Variants in ZFHX3 observed in about 807,000 individuals in gnomAD.
ZFHX3 encodes the protein zinc finger homeobox 3.
ZFHX3 carries 42 observed loss-of-function variants against 279.1 expected under a neutral mutation model. That is an observed-to-expected ratio of 0.15 (90% confidence interval 0.12 to 0.19). The LOEUF is 0.19. ZFHX3 is among the 10% of genes least tolerant of loss of function. ZFHX3 has a pLI of 1.00. For synonymous variants in ZFHX3, 2,293 were observed against 1,957.8 expected (o/e 1.17, Z -4.52); for missense variants, 4,981 against 4,754.0 (o/e 1.05, Z -1.40).
At position 73,454,868 on chromosome 16, in the gene ZFHX3, T is replaced by G. The variant is rs1469694434; in HGVS notation, c.-1291+1135A>C. On this transcript the variant is annotated intron_variant, in intron 3 of 17. Transcript: ENST00000641206. ...ACTTTTCCATCATTTATGATAACAG[T>G]GTTGGGAAAGCTAGGATATTCAAGT... Among the ~76,000 whole-genome samples the G allele has an allele frequency of 2.0e-5, 3 of 151,686 alleles. No homozygotes were observed. In the East Asian group the frequency reaches 5.8e-4, roughly 29 times the overall value.
At chr16:73,219,253 C>T (rs2012323101) in intron 5 of ZFHX3, among the ~76,000 whole-genome samples, 1 of 152,158 alleles carries the variant, frequency 6.6e-6, no homozygotes, top group African/African-American at 2.4e-5. Flanking sequence ...AACCAAAATT[C>T]ACAGAAACAG....
chr16:73,539,650 G>A (rs2019976712), intron 2 of ZFHX3, among the ~76,000 whole-genome samples: 1 of 151,960 alleles, frequency 6.6e-6, no homozygotes, highest in Non-Finnish European at 1.5e-5. Flanking sequence ...AAGAAGAAGG[G>A]CGCACAAGCA....
At chr16:73,188,001 A>G (rs1454517144) in intron 5 of ZFHX3, among the ~76,000 whole-genome samples, 1 of 152,012 alleles carries the variant, frequency 6.6e-6, no homozygotes, top group Admixed American at 6.6e-5. Flanking sequence ...AGCTGGGACT[A>G]CAGGCGCCTG....
At chr16:73,393,669 A>C (rs1056329389) in intron 3 of ZFHX3, among the ~76,000 whole-genome samples, 3 of 152,180 alleles carry the variant, frequency 2.0e-5, no homozygotes, top group African/African-American at 7.2e-5. Context: ...ATAAACTATG[A>C]AAGTTGGGAC....
At chr16:72,975,153 C>T (rs2144521841) in intron 1 of ZFHX3, among the ~76,000 whole-genome samples, 1 of 152,212 alleles carries the variant, frequency 6.6e-6, no homozygotes, top group African/African-American at 2.4e-5. Flanking sequence ...GCTTAAAACC[C>T]TATCAGGGCC....
intron 8 of ZFHX3, among the ~76,000 whole-genome samples, chr16:73,065,259 C>G (rs62055085): frequency 0.026 from 4,002 of 152,330 alleles, 49 homozygotes; most frequent in East Asian, 0.04. Flanking sequence ...CACGCAGACA[C>G]GCAGGCGTGC....
At chr16:73,587,543 C>T (rs2051940336) in intron 2 of ZFHX3, among the ~76,000 whole-genome samples, 1 of 152,156 alleles carries the variant, frequency 6.6e-6, no homozygotes, top group Non-Finnish European at 1.5e-5. Flanking sequence ...CAAATGTTTG[C>T]ATGCCAACAC....
chr16:73,065,840 A>C (rs1965744659), intron 8 of ZFHX3, among the ~76,000 whole-genome samples: 1 of 152,246 alleles, frequency 6.6e-6, no homozygotes, highest in South Asian at 2.1e-4. Context: ...AACAAACGAC[A>C]TCGAACAGAT....
At chr16:73,809,624 A>C (rs1185561931) in intron 1 of ZFHX3, 1 of 152,178 alleles carries the variant, frequency 6.6e-6, no homozygotes, top group Non-Finnish European at 1.5e-5. Flanking sequence ...GATCCTGAAG[A>C]GGGTGGAAGG....
At chr16:73,710,075 CG>C (rs2053343815) in intron 1 of ZFHX3, among the ~76,000 whole-genome samples, 1 of 151,996 alleles carries the variant, frequency 6.6e-6, no homozygotes, top group Non-Finnish European at 1.5e-5. Flanking sequence ...CCCAGCTACT[CG>C]GGAGGCTGAG....
chr16:73,282,941 A>G (rs2014494312), intron 4 of ZFHX3, among the ~76,000 whole-genome samples: 2 of 152,210 alleles, frequency 1.3e-5, no homozygotes, highest in African/African-American at 2.4e-5. Flanking sequence ...GTCAGGCACT[A>G]TTCTTAATGT....
At chr16:73,157,396 A>G (rs1421973874) in intron 5 of ZFHX3, among the ~76,000 whole-genome samples, 3 of 140,618 alleles carry the variant, frequency 2.1e-5, no homozygotes, top group African/African-American at 8.1e-5. Flanking sequence ...CGGGCTTGCC[A>G]CAGGTTAACT....
chr16:73,502,416 C>A (rs1567503089), intron 2 of ZFHX3, among the ~76,000 whole-genome samples: 1 of 152,206 alleles, frequency 6.6e-6, no homozygotes, highest in African/African-American at 2.4e-5. Flanking sequence ...TAATTGACCA[C>A]AATTAATAGG....
intron 1 of ZFHX3, among the ~76,000 whole-genome samples, chr16:73,700,714 A>G (rs990535490): frequency 6.6e-6 from 1 of 152,260 alleles, no homozygotes; most frequent in East Asian, 1.9e-4. Context: ...TTAAAGAAAT[A>G]CCACTAAGCT....
intron 5 of ZFHX3, among the ~76,000 whole-genome samples, chr16:73,255,778 C>T (rs984797970): frequency 6.6e-5 from 10 of 152,158 alleles, no homozygotes; most frequent in Admixed American, 5.9e-4. Context: ...ATCTGCAAAG[C>T]CTGAAATGCC....
intron 5 of ZFHX3, among the ~76,000 whole-genome samples, chr16:73,248,245 T>C (rs746042871): frequency 7.2e-5 from 11 of 151,852 alleles, no homozygotes; most frequent in Non-Finnish European, 1.3e-4. Context: ...TATGTGTGTG[T>C]GTTTATGTGC....
At chr16:73,312,093 G>C (rs953830618) in intron 4 of ZFHX3, among the ~76,000 whole-genome samples, 1 of 152,182 alleles carries the variant, frequency 6.6e-6, no homozygotes, top group African/African-American at 2.4e-5. Context: ...ACCTGGAGTA[G>C]GTCCAGATGA....
At chr16:73,847,283 A>T (rs1961473658) in intron 1 of ZFHX3, among the ~76,000 whole-genome samples, 1 of 152,184 alleles carries the variant, frequency 6.6e-6, no homozygotes, top group South Asian at 2.1e-4. Flanking sequence ...CCTGGGCCAC[A>T]AGAGGGCAAC....
chr16:73,591,833 A>T (rs61613546), intron 2 of ZFHX3, among the ~76,000 whole-genome samples: 73,228 of 151,482 alleles, frequency 0.48, 20,298 homozygotes, highest in East Asian at 0.79. Flanking sequence ...AAAAAAAAAA[A>T]ATTGAGACAA....
Sources: allele counts gnomAD v4.1 joint callset (sites outside exome capture counted in the v4.1 genomes callset), GRCh38; gene constraint gnomAD v4.1.1; transcripts MANE v1.5; gene names NCBI Gene and HGNC (gene_info 2026-07-23, HGNC 2026-07-21).